The following IFT81 variants were observed in gnomAD, a reference collection of about 807,000 sequenced individuals.
IFT81 encodes the protein intraflagellar transport 81.
In IFT81, 72 loss-of-function variants were observed where a neutral mutation model predicts 102.6. The ratio of observed to expected loss-of-function variants is 0.70; its 90% confidence interval spans 0.58 to 0.85. The LOEUF is 0.85. IFT81 is among the 40% of genes least tolerant of loss of function. The pLI, the probability that IFT81 is intolerant of heterozygous loss-of-function variation, is 0.00. For missense variants in IFT81, 723 were observed against 787.3 expected (o/e 0.92, Z 0.98); for synonymous variants, 237 against 242.7 (o/e 0.98, Z 0.22).
At chr12:110,191,700 A>C (rs1897805274) in intron 13 of IFT81, among the ~76,000 whole-genome samples, 1 of 152,050 alleles carries the variant, frequency 6.6e-6, no homozygotes, top group Non-Finnish European at 1.5e-5. Flanking sequence ...ATTCAATCAG[A>C]TTGCACTAGT....
chr12:110,150,098 GTTTTC>G (rs1393353331), intron 10 of IFT81, among the ~76,000 whole-genome samples: 2 of 151,566 alleles, frequency 1.3e-5, no homozygotes, highest in Middle Eastern at 3.4e-3. Flanking sequence ...TTGTTTGTTT[GTTTTC>G]TTTTCTTTTC....
chr12:110,127,573 C>T, intron 2 of IFT81, 49 bp downstream of exon 2: 1 of 1,513,048 alleles, frequency 6.6e-7, no homozygotes, highest in Non-Finnish European at 8.9e-7. Context: ...GCCAATTTCT[C>T]CCTCTAAATA....
In IFT81 at chr12:110,218,028, T is replaced by G. The variant is rs1870356802; in HGVS notation, c.1849-16T>G. On this transcript the variant is annotated splice_polypyrimidine_tract_variant and intron_variant, in intron 18 of 18. Transcript: ENST00000242591. ...GTAACTGAGATTTAATTATTCTTGT[T>G]TTTTTTTAATGATAGAAACTTCGGG... is the stretch of plus-strand genomic sequence containing the variant. The G allele has an allele frequency of 2.6e-6, 4 of 1,565,686 alleles. No homozygotes were observed. The highest frequency in any genetic ancestry group is 1.7e-4 in the Middle Eastern group (1 of 5,870).
chr12:110,133,843 T>G (rs1343136097), intron 5 of IFT81, among the ~76,000 whole-genome samples: 3 of 152,248 alleles, frequency 2.0e-5, no homozygotes, highest in Non-Finnish European at 4.4e-5. Flanking sequence ...TATTATGTGG[T>G]GATTTATTTA....
At position 110,166,955 on chromosome 12, in the gene IFT81, G is replaced by A. The variant is rs150478775; in HGVS notation, c.1188+3890G>A. Reference sequence around the variant, plus strand: ...ATTTAGGAACATAATGTTAATTTGCGTAAATGTAACAAGTTCTAGACATAT... The same window carrying A: ...ATTTAGGAACATAATGTTAATTTGCATAAATGTAACAAGTTCTAGACATAT... On this transcript the variant is annotated intron_variant, in intron 11 of 18. Transcript: ENST00000242591. 2.3e-4 allele frequency among the ~76,000 whole-genome samples: 35 copies of A among 152,066 alleles called. No individual in the cohort carries two copies. In the East Asian group the frequency reaches 3.5e-3, roughly 15 times the overall value.
chr12:110,180,136 A>T (rs1897260478), intron 11 of IFT81, among the ~76,000 whole-genome samples: 1 of 152,052 alleles, frequency 6.6e-6, no homozygotes, highest in Admixed American at 6.5e-5. Context: ...CAAACATTAC[A>T]CATAACTGAA....
chr12:110,180,370 T>C (rs1593344646), intron 11 of IFT81, 52 bp from the exon 12 acceptor site: 1 of 1,198,074 alleles, frequency 8.3e-7, no homozygotes. Flanking sequence ...ATGTATGATA[T>C]TTAGCTACTA....
chr12:110,138,240 T>C (rs1424289306), intron 8 of IFT81, among the ~76,000 whole-genome samples: 1 of 152,214 alleles, frequency 6.6e-6, no homozygotes, highest in Non-Finnish European at 1.5e-5. Context: ...GTTCACAGCC[T>C]AGGAAAAGGG....
In IFT81 at chr12:110,218,290, T is replaced by G; in HGVS notation, c.*64T>G. The G allele has an allele frequency of 8.1e-7, 1 of 1,238,216 alleles. No individual in the cohort carries two copies. The allele number at this position is 1,238,216 out of a possible 1,614,324, so 76.7% of individuals were successfully genotyped here. On this transcript the variant is annotated 3_prime_UTR_variant, in exon 19 of 19. Transcript: ENST00000242591. ...TAGCTATAAGCCTAATCTCATAATG[T>G]ATTTCTTTTTTGAAACTGATTTGTA... is the stretch of plus-strand genomic sequence containing the variant.
At chr12:110,203,462 T>C (rs1898408853) in intron 14 of IFT81, 1 of 179,856 alleles carries the variant, frequency 5.6e-6, no homozygotes, top group Non-Finnish European at 1.2e-5. Flanking sequence ...TATCAATTTC[T>C]CCAGGAAATT....
At chr12:110,182,086 C>T (rs1196219686) in intron 12 of IFT81, among the ~76,000 whole-genome samples, 2 of 152,134 alleles carry the variant, frequency 1.3e-5, no homozygotes, top group African/African-American at 2.4e-5. Flanking sequence ...CCTCCCATTT[C>T]GCTGAGGGCA....
intron 10 of IFT81, among the ~76,000 whole-genome samples, chr12:110,158,264 A>G (rs1191190008): frequency 6.6e-6 from 1 of 152,080 alleles, no homozygotes; most frequent in African/African-American, 2.4e-5. Context: ...TATTTTTAGT[A>G]GAGACAGGTT....
At chr12:110,203,598 A>T (rs1898417680) in intron 14 of IFT81, 1 of 356,310 alleles carries the variant, frequency 2.8e-6, no homozygotes, top group Admixed American at 4.4e-5. Flanking sequence ...CTTGAGAGGA[A>T]GAATTTTTGG....
chr12:110,155,037 C>T (rs1201262575), intron 10 of IFT81, among the ~76,000 whole-genome samples: 1 of 150,386 alleles, frequency 6.6e-6, no homozygotes, highest in African/African-American at 2.4e-5. Flanking sequence ...GTTTTTGCTT[C>T]ATATATTTTG....
At chr12:110,135,774 G>A (rs1217794830) in intron 7 of IFT81, among the ~76,000 whole-genome samples, 3 of 151,170 alleles carry the variant, frequency 2.0e-5, no homozygotes, top group Admixed American at 6.6e-5. Flanking sequence ...GGCTGAGGCA[G>A]GAGAATCACT....
intron 18 of IFT81, among the ~76,000 whole-genome samples, 200 bp downstream of exon 18, chr12:110,209,416 A>G (rs1869116430): frequency 6.6e-6 from 1 of 152,202 alleles, no homozygotes; most frequent in Non-Finnish European, 1.5e-5. Flanking sequence ...TTTGAAAGAA[A>G]AAATTATCTA....
At chr12:110,126,971 T>G (rs773258016) in intron 1 of IFT81, among the ~76,000 whole-genome samples, 3 of 152,122 alleles carry the variant, frequency 2.0e-5, no homozygotes, top group African/African-American at 7.2e-5. Context: ...TTTGGGAGAT[T>G]TGGGAGAAAC....
chr12:110,192,757 T>G, intron 14 of IFT81, 51 bp downstream of exon 14: 1 of 1,010,462 alleles, frequency 9.9e-7, no homozygotes, highest in South Asian at 1.4e-5. Context: ...CTTTTAGTAT[T>G]CTATCTTATT....
chr12:110,150,129 C>T (rs549871066), intron 10 of IFT81, among the ~76,000 whole-genome samples: 48 of 151,244 alleles, frequency 3.2e-4, no homozygotes, highest in African/African-American at 1.1e-3. Context: ...TTTTTTGAGA[C>T]AGAGTCTCGC....
Sources: allele counts gnomAD v4.1 joint callset (sites outside exome capture counted in the v4.1 genomes callset), GRCh38; gene constraint gnomAD v4.1.1; transcripts MANE v1.5; gene names NCBI Gene and HGNC (gene_info 2026-07-23, HGNC 2026-07-21).